SHISA6: variants seen among roughly 807,000 people sequenced by gnomAD.
The protein encoded by SHISA6 is protein shisa-6.
Under a neutral mutation model 47.9 loss-of-function variants are expected in SHISA6, and 22 were observed. That is an observed-to-expected ratio of 0.46 (90% confidence interval 0.33 to 0.66). SHISA6 has a LOEUF of 0.66. Among genes scored for constraint, SHISA6 ranks in the 30% least tolerant of loss-of-function variants. The probability of loss-of-function intolerance (pLI) is 0.02; values close to 1 mark genes in which losing one functional copy is unlikely to be tolerated. For synonymous variants in SHISA6, 388 were observed against 337.8 expected (o/e 1.15, Z -1.63); for missense variants, 680 against 764.6 (o/e 0.89, Z 1.30).
chr17:11,488,152 G>A (rs1394767432), intron 3 of SHISA6, among the ~76,000 whole-genome samples: 2 of 151,906 alleles, frequency 1.3e-5, no homozygotes, highest in African/African-American at 2.4e-5. Flanking sequence ...CTCAGCTGTC[G>A]GGACAAATAG....
At chr17:11,322,332 A>G (rs1910742958) in intron 2 of SHISA6, among the ~76,000 whole-genome samples, 1 of 152,072 alleles carries the variant, frequency 6.6e-6, no homozygotes, top group Admixed American at 6.6e-5. Flanking sequence ...CCTCACCTAG[A>G]TATTCAGGTT....
intron 2 of SHISA6, chr17:11,289,131 T>G (rs1909430143): frequency 6.6e-6 from 1 of 152,176 alleles, no homozygotes; most frequent in African/African-American, 2.4e-5. Flanking sequence ...ATTTTTAAAT[T>G]GAGAATGGAT....
At chr17:11,247,173 T>C (rs1907624506) in intron 1 of SHISA6, among the ~76,000 whole-genome samples, 1 of 152,216 alleles carries the variant, frequency 6.6e-6, no homozygotes, top group Admixed American at 6.5e-5. Context: ...AAATCAATTG[T>C]GCAGGAAACA....
rs923958758 is a variant in SHISA6 at position 11,558,382 on chromosome 17, G to T, written c.*78G>T. ...GGAGGGGCCAGGAGCAGAGCTTCTA[G>T]CCTTGCCACTCTCCCTTCCCTTGTC... is the stretch of plus-strand genomic sequence containing the variant. On this transcript the variant is annotated 3_prime_UTR_variant, in exon 6 of 6. Transcript: ENST00000441885. The T allele has an allele frequency of 1.4e-6, 2 of 1,428,716 alleles. No individual in the cohort carries two copies. Among genetic ancestry groups the T allele is most frequent in the African/African-American group, 1.4e-5 (1 of 70,684 alleles). 88.5% of individuals were successfully genotyped at this position (1,428,716 alleles called of 1,614,324 possible).
At chr17:11,366,017 G>C (rs140260069) in intron 2 of SHISA6, among the ~76,000 whole-genome samples, 1 of 152,320 alleles carries the variant, frequency 6.6e-6, no homozygotes, top group African/African-American at 2.4e-5. Flanking sequence ...ATGTAAGACA[G>C]GCATAAGCTG....
At chr17:11,322,207 T>C (rs915604842) in intron 2 of SHISA6, among the ~76,000 whole-genome samples, 1 of 152,220 alleles carries the variant, frequency 6.6e-6, no homozygotes, top group Non-Finnish European at 1.5e-5. Context: ...CTCTTACATA[T>C]GTTCTAAGCC....
Position 11,259,652 on chromosome 17 carries a change from T to A in SHISA6, c.639-3714T>A, listed in dbSNP as rs528102862. Among the ~76,000 whole-genome samples, 27 of 152,342 alleles carry A rather than the reference T, an allele frequency of 1.8e-4. No homozygotes were observed. In the South Asian group the frequency reaches 5.6e-3, roughly 32 times the overall value. On this transcript the variant is annotated intron_variant, in intron 1 of 5. Coordinates refer to ENST00000441885, the MANE Select transcript of SHISA6 (RefSeq NM_207386.4). ...TACGGAAATTCAGATACACTTTCAT[T>A]CCCTCAGGACCACTGACAACAATAA...
At chr17:11,497,293 C>T (rs564541698) in intron 3 of SHISA6, among the ~76,000 whole-genome samples, 5 of 152,236 alleles carry the variant, frequency 3.3e-5, no homozygotes, top group Non-Finnish European at 7.4e-5. Context: ...TTTTCAAGTG[C>T]CGTGATTTTC....
intron 2 of SHISA6, among the ~76,000 whole-genome samples, chr17:11,327,499 T>C (rs141096023): frequency 1.3e-5 from 2 of 152,340 alleles, no homozygotes; most frequent in East Asian, 3.9e-4. Context: ...TCTTTTCTAG[T>C]AGTGGCAGTG....
chr17:11,390,612 T>A (rs1028522173), intron 3 of SHISA6, among the ~76,000 whole-genome samples: 2 of 152,210 alleles, frequency 1.3e-5, no homozygotes, highest in African/African-American at 4.8e-5. Flanking sequence ...ATATTTTTTT[T>A]TAATTTCAGT....
chr17:11,423,257 T>A (rs948953253), intron 3 of SHISA6, among the ~76,000 whole-genome samples: 90 of 134,590 alleles, frequency 6.7e-4, no homozygotes, highest in African/African-American at 2.0e-3. Flanking sequence ...ATATATATAA[T>A]ATATATATAT....
chr17:11,269,823 T>G (rs1191114279), intron 2 of SHISA6, among the ~76,000 whole-genome samples: 1 of 152,050 alleles, frequency 6.6e-6, no homozygotes, highest in Non-Finnish European at 1.5e-5. Flanking sequence ...AAGTGGGAGG[T>G]GACATCAATG....
Position 11,557,956 on chromosome 17 carries a change from C to G in SHISA6, c.1308C>G (p.Pro436=). The change falls in exon 6 of 6, where the codon CCC becomes CCG. Residue 436 remains proline (P), a synonymous_variant. Coordinates refer to ENST00000441885, the MANE Select transcript of SHISA6 (RefSeq NM_207386.4). ...GCCTGCCAGATGAGTTCAGCATGCC[C>G]TACGACCGCATCCTGTCCGACGAGC... ...DRGLPDEFSM[P]YDRILSDEQL... 6.4e-7 allele frequency: 1 copy of G among 1,551,532 alleles called. No homozygotes were observed. The highest frequency in any genetic ancestry group is 8.7e-7 in the Non-Finnish European group (1 of 1,146,950).
intron 3 of SHISA6, among the ~76,000 whole-genome samples, chr17:11,421,213 ATAAAG>A (rs899060210): frequency 2.7e-4 from 41 of 152,226 alleles, no homozygotes; most frequent in Admixed American, 2.2e-3. Context: ...TTTTCAGGTG[ATAAAG>A]TACTGTGTTA....
chr17:11,540,836 T>C (rs1006998572), intron 3 of SHISA6, among the ~76,000 whole-genome samples: 6 of 152,224 alleles, frequency 3.9e-5, no homozygotes, highest in African/African-American at 1.4e-4. Flanking sequence ...AAGTATTTCA[T>C]GGAACCCAGA....
intron 2 of SHISA6, among the ~76,000 whole-genome samples, chr17:11,294,198 T>C (rs1371555870): frequency 6.6e-6 from 1 of 152,174 alleles, no homozygotes; most frequent in African/African-American, 2.4e-5. Context: ...TTATTGTTAA[T>C]ATCCTCAATA....
chr17:11,449,515 C>G (rs1915327589), intron 3 of SHISA6, among the ~76,000 whole-genome samples: 1 of 151,862 alleles, frequency 6.6e-6, no homozygotes. Context: ...GAGCGAGACA[C>G]TGAAGGAATG....
chr17:11,396,496 G>T (rs1019847733), intron 3 of SHISA6, among the ~76,000 whole-genome samples: 1 of 152,188 alleles, frequency 6.6e-6, no homozygotes, highest in African/African-American at 2.4e-5. Flanking sequence ...TCCTTTGAGT[G>T]TATACCCAGT....
At chr17:11,384,937 T>C (rs1913146014) in intron 3 of SHISA6, among the ~76,000 whole-genome samples, 1 of 152,228 alleles carries the variant, frequency 6.6e-6, no homozygotes, top group Non-Finnish European at 1.5e-5. Context: ...ATTGCCCGTT[T>C]TTCCATTAAT....
Sources: allele counts gnomAD v4.1 joint callset (sites outside exome capture counted in the v4.1 genomes callset), GRCh38; gene constraint gnomAD v4.1.1; transcripts MANE v1.5; gene names NCBI Gene and HGNC (gene_info 2026-07-23, HGNC 2026-07-21).